ERVFRD-1: variants seen among roughly 807,000 people sequenced by gnomAD.
ERVFRD-1 encodes syncytin-2.
In ERVFRD-1, 33 loss-of-function variants were observed where a neutral mutation model predicts 43.8. The observed-to-expected ratio is 0.75, with a 90% CI of 0.57 to 1.01. The LOEUF is 1.01. ERVFRD-1 is among the 50% of genes least tolerant of loss of function. The pLI, the probability that ERVFRD-1 is intolerant of heterozygous loss-of-function variation, is 0.00. For synonymous variants in ERVFRD-1, 239 were observed against 244.4 expected, an observed-to-expected ratio of 0.98 and a Z score of 0.21; for missense variants, 568 against 658.4, an observed-to-expected ratio of 0.86 and a Z score of 1.50.
chr6:11,104,579 C>G lies in ERVFRD-1; in HGVS notation c.732G>C (p.Lys244Asn). Residue 244 changes from lysine (K) to asparagine (N), a missense_variant, in exon 2 of 2, where the codon AAG (lysine) becomes AAC (asparagine). Coordinates refer to ENST00000472091, the MANE Select transcript of ERVFRD-1 (RefSeq NM_207582.3). ...RNSLFWENKTKGANQSQTPCV... is the reference protein window; with the variant it reads ...RNSLFWENKTNGANQSQTPCV... ...AGGGTGTTTGGCTCTGGTTAGCTCCCTTGGTTTTATTTTCCCAAAAAAGAG... is the reference window on the plus strand; with the variant it reads ...AGGGTGTTTGGCTCTGGTTAGCTCCGTTGGTTTTATTTTCCCAAAAAAGAG... 6.2e-7 allele frequency: 1 copy of G among 1,612,512 alleles called. No individual in the cohort carries two copies.
At chr6:11,108,241 G>A (rs1758115959) in intron 1 of ERVFRD-1, among the ~76,000 whole-genome samples, 1 of 152,200 alleles carries the variant, frequency 6.6e-6, no homozygotes, top group Non-Finnish European at 1.5e-5. Flanking sequence ...GAGGATAATT[G>A]CCTGGGAAAA....
In ERVFRD-1 at chr6:11,104,484, A is replaced by G. The variant is rs752839265; in HGVS notation, c.827T>C (p.Phe276Ser). 3 of 1,553,674 alleles carry G rather than the reference A, an allele frequency of 1.9e-6. No homozygotes were observed. Among genetic ancestry groups the G allele is most frequent in the Non-Finnish European group, 1.7e-6 (2 of 1,147,960 alleles). Residue 276 changes from phenylalanine to serine, a missense_variant, in exon 2 of 2, where the codon TTT (phenylalanine) becomes TCT (serine). Coordinates refer to ENST00000472091, the MANE Select transcript of ERVFRD-1 (RefSeq NM_207582.3). Reference protein sequence around the residue: ...YLGISAVSEFFGTSLTPLFHF... With the variant: ...YLGISAVSEFSGTSLTPLFHF... The stretch of plus-strand genomic sequence containing the variant: ...AAATAAGGGGGTGAGGGAGGTTCCA[A>G]AAAATTCTGAGACTGCTGATATGCC...
At chr6:11,110,971 A>G (rs965046972) in intron 1 of ERVFRD-1, among the ~76,000 whole-genome samples, 1 of 152,238 alleles carries the variant, frequency 6.6e-6, no homozygotes, top group African/African-American at 2.4e-5. Flanking sequence ...CTGGAGCATA[A>G]CAGGGATGAA....
intron 1 of ERVFRD-1, among the ~76,000 whole-genome samples, chr6:11,110,370 T>A (rs1039868185): frequency 6.6e-6 from 1 of 152,252 alleles, no homozygotes; most frequent in African/African-American, 2.4e-5. Context: ...TATATCCTTG[T>A]CTCCATGACC....
In ERVFRD-1 at chr6:11,109,773, A is replaced by G. The variant is rs536744370; in HGVS notation, c.-321+1904T>C. On this transcript the variant is annotated intron_variant, in intron 1 of 1. Coordinates refer to ENST00000472091, the MANE Select transcript of ERVFRD-1 (RefSeq NM_207582.3). ...TTTCCTTTTTAGGGTTTGGGAGTCAAACTTTTCCCAGTTCTTGAGGATGTA... is the reference window on the plus strand; with the variant it reads ...TTTCCTTTTTAGGGTTTGGGAGTCAGACTTTTCCCAGTTCTTGAGGATGTA... Among the ~76,000 whole-genome samples the G allele has an allele frequency of 2.6e-5, 4 of 152,296 alleles. No individual in the cohort carries two copies. In the East Asian group the frequency reaches 5.8e-4, roughly 22 times the overall value.
At chr6:11,107,053 G>A (rs1758096037) in intron 1 of ERVFRD-1, among the ~76,000 whole-genome samples, 1 of 152,194 alleles carries the variant, frequency 6.6e-6, no homozygotes, top group South Asian at 2.1e-4. Flanking sequence ...GTAATTTGTT[G>A]AAGGGACATT....
At chr6:11,107,590 G>A (rs1416018006) in intron 1 of ERVFRD-1, among the ~76,000 whole-genome samples, 1 of 152,198 alleles carries the variant, frequency 6.6e-6, no homozygotes, top group African/African-American at 2.4e-5. Flanking sequence ...AATAGAAATT[G>A]GGAGGATGGG....
chr6:11,106,661 C>G (rs926229110), intron 1 of ERVFRD-1, among the ~76,000 whole-genome samples: 1 of 152,218 alleles, frequency 6.6e-6, no homozygotes, highest in Non-Finnish European at 1.5e-5. Context: ...GAGAGCAGTT[C>G]ACTGGGGAGA....
At chr6:11,111,261 AC>A (rs924377489) in intron 1 of ERVFRD-1, among the ~76,000 whole-genome samples, 4 of 152,176 alleles carry the variant, frequency 2.6e-5, no homozygotes, top group African/African-American at 7.2e-5. Context: ...AGACAGACTT[AC>A]CCCCAAGGCA....
intron 1 of ERVFRD-1, among the ~76,000 whole-genome samples, chr6:11,111,185 A>G (rs886913175): frequency 2.0e-5 from 3 of 152,164 alleles, no homozygotes; most frequent in African/African-American, 7.2e-5. Context: ...CATGAATAAC[A>G]AATAGGGAAT....
rs979814127 is a variant in ERVFRD-1, at chr6:11,105,359, T to C, written c.-49A>G. 2 of 1,422,972 alleles carry C rather than the reference T, an allele frequency of 1.4e-6. No individual in the cohort carries two copies. Among genetic ancestry groups the C allele is most frequent in the Non-Finnish European group, 1.9e-6 (2 of 1,028,984 alleles). 88.1% of individuals were successfully genotyped at this position (1,422,972 alleles called of 1,614,324 possible). A position where few individuals can be genotyped will look rare whatever the true frequency, so the allele number is the denominator to read the frequency against. ...CAAAACGAGCTGCCAATGGAACTCC[T>C]GGTGGTGTACAAGTTAGGGTTAAAA... On this transcript the variant is annotated 5_prime_UTR_variant, in exon 2 of 2. Transcript: ENST00000472091.
In ERVFRD-1 at chr6:11,104,523, G is replaced by T; in HGVS notation, c.788C>A (p.Ala263Asp). 1 of 1,569,876 alleles carries T rather than the reference G, an allele frequency of 6.4e-7. No individual in the cohort carries two copies. The highest frequency in any genetic ancestry group is 1.2e-5 in the South Asian group (1 of 86,480). Residue 263 changes from alanine to aspartate, a missense_variant, in exon 2 of 2, where the codon GCC becomes GAC. Transcript: ENST00000472091. ...CVQVLAGMTI[A>D]TSYLGISAVS... is the part of the protein sequence containing the mutation. Reference sequence around the variant, plus strand: ...TGCTGATATGCCCAGGTAGCTGGTGGCTATAGTCATGCCTGCTAAGACTTG... The same window carrying T: ...TGCTGATATGCCCAGGTAGCTGGTGTCTATAGTCATGCCTGCTAAGACTTG...
intron 1 of ERVFRD-1, 118 bp from the exon 2 acceptor site, chr6:11,105,748 G>A (rs1466986265): frequency 6.0e-6 from 1 of 165,510 alleles, no homozygotes; most frequent in African/African-American, 2.4e-5. Context: ...GGGTATAGAG[G>A]TGGGGATTTT....
At chr6:11,108,307 T>G (rs753491556) in intron 1 of ERVFRD-1, among the ~76,000 whole-genome samples, 9 of 152,222 alleles carry the variant, frequency 5.9e-5, no homozygotes, top group Non-Finnish European at 1.0e-4. Flanking sequence ...ACAGTCCTAC[T>G]GGGCACATCC....
chr6:11,108,785 C>G (rs1241915168), intron 1 of ERVFRD-1, among the ~76,000 whole-genome samples: 2 of 152,178 alleles, frequency 1.3e-5, no homozygotes, highest in African/African-American at 2.4e-5. Context: ...GTGTTTCCTC[C>G]TAATATCTGG....
Position 11,103,743 on chromosome 6 carries a change from T to C in ERVFRD-1, c.1568A>G (p.Asn523Ser). 1 of 1,551,644 alleles carries C rather than the reference T, an allele frequency of 6.4e-7. No individual in the cohort carries two copies. The highest frequency in any genetic ancestry group is 8.7e-7 in the Non-Finnish European group (1 of 1,146,980). The change falls in exon 2 of 2, where the codon AAT becomes AGT. Residue 523 changes from asparagine to serine, a missense_variant. Physicochemically the swap from Asn to Ser is conservative, Grantham distance 46. Transcript: ENST00000472091. ...GCGAGGATGGCGTCCTGCACTGAGATTCGTCTGGAGCTTTATGGCCTGAAG... is the reference window on the plus strand; with the variant it reads ...GCGAGGATGGCGTCCTGCACTGAGACTCGTCTGGAGCTTTATGGCCTGAAG... ...SRLQAIKLQT[N>S]LSAGRHPRNI...
At chr6:11,110,300 A>G (rs1758148455) in intron 1 of ERVFRD-1, among the ~76,000 whole-genome samples, 2 of 152,150 alleles carry the variant, frequency 1.3e-5, no homozygotes. Context: ...GCCTGGAACT[A>G]GTCTTCATCT....
chr6:11,111,438 T>TC (rs765949965), intron 1 of ERVFRD-1, among the ~76,000 whole-genome samples: 15 of 152,188 alleles, frequency 9.9e-5, no homozygotes, highest in Admixed American at 3.3e-4. Flanking sequence ...CAGCCTCCTG[T>TC]CTGGGGGGGC....
At position 11,105,457 on chromosome 6, in the gene ERVFRD-1, T is replaced by G; in HGVS notation, c.-147A>C. ...ATCACCTTACTTTGAGGTGAAAGGA[T>G]GTTGGTGGGGCATTACTTATCTTTT... On this transcript the variant is annotated 5_prime_UTR_variant, in exon 2 of 2. Coordinates refer to ENST00000472091, the MANE Select transcript of ERVFRD-1 (RefSeq NM_207582.3). 3.2e-6 allele frequency: 2 copies of G among 627,182 alleles called. No individual in the cohort carries two copies. Among genetic ancestry groups the G allele is most frequent in the Non-Finnish European group, 5.6e-6 (2 of 354,136 alleles). 38.9% of individuals were successfully genotyped at this position (627,182 alleles called of 1,614,324 possible).
Sources: gnomAD v4.1 joint callset for allele counts (sites outside exome capture counted in the v4.1 genomes callset) on GRCh38, gnomAD v4.1.1 for gene constraint, MANE v1.5 for transcripts, NCBI Gene and HGNC (gene_info 2026-07-23, HGNC 2026-07-21) for gene names.